LANCL1: variants seen among roughly 807,000 people sequenced by gnomAD.
LANCL1 encodes the protein glutathione S-transferase LANCL1.
Under a neutral mutation model 50.6 loss-of-function variants are expected in LANCL1, and 50 were observed. The observed-to-expected ratio is 0.99, with a 90% CI of 0.79 to 1.25. The LOEUF is 1.25. LANCL1 is among the 50% of genes most tolerant of loss of function. The pLI is 0.00. For synonymous variants in LANCL1, 188 were observed against 178.6 expected (o/e 1.05, Z -0.42); for missense variants, 532 against 480.7 (o/e 1.11, Z -1.00).
At chr2:210,458,289 G>A (rs183795854) in intron 3 of LANCL1, among the ~76,000 whole-genome samples, 13 of 152,278 alleles carry the variant, frequency 8.5e-5, no homozygotes, top group Admixed American at 3.9e-4. Context: ...TGTCCTGGTA[G>A]GCCTAATCCT....
At chr2:210,472,322 G>A (rs1694250208) in intron 2 of LANCL1, among the ~76,000 whole-genome samples, 3 of 152,170 alleles carry the variant, frequency 2.0e-5, no homozygotes, top group Middle Eastern at 3.2e-3. Flanking sequence ...GACTGCCAAT[G>A]ATAAACTGGC....
intron 3 of LANCL1, among the ~76,000 whole-genome samples, chr2:210,469,813 T>G (rs1478022936): frequency 6.6e-6 from 1 of 152,230 alleles, no homozygotes; most frequent in Non-Finnish European, 1.5e-5. Context: ...CTAATGACTC[T>G]TCCCAACATT....
chr2:210,470,737 A>G (rs1694200462), intron 3 of LANCL1, among the ~76,000 whole-genome samples: 1 of 152,202 alleles, frequency 6.6e-6, no homozygotes, highest in Non-Finnish European at 1.5e-5. Context: ...GAAAGCTTTC[A>G]AACTGCAGTC....
chr2:210,463,724 T>G (rs1293893765), intron 3 of LANCL1, among the ~76,000 whole-genome samples: 1 of 152,240 alleles, frequency 6.6e-6, no homozygotes, highest in East Asian at 1.9e-4. Flanking sequence ...TGAATGAGCA[T>G]GAGAGAGACC....
intron 3 of LANCL1, among the ~76,000 whole-genome samples, chr2:210,464,635 T>C (rs546228336): frequency 1.0e-3 from 154 of 152,296 alleles, no homozygotes; most frequent in African/African-American, 3.6e-3. Flanking sequence ...GGATAAAATA[T>C]ACACAAATCT....
intron 3 of LANCL1, among the ~76,000 whole-genome samples, chr2:210,459,751 A>G (rs1381846618): frequency 1.3e-5 from 2 of 151,970 alleles, no homozygotes; most frequent in South Asian, 4.1e-4. Flanking sequence ...CAAACAAACA[A>G]ACAAACAAAC....
chr2:210,475,057 T>C (rs1379834766), intron 2 of LANCL1, among the ~76,000 whole-genome samples: 2 of 152,200 alleles, frequency 1.3e-5, no homozygotes, highest in African/African-American at 2.4e-5. Flanking sequence ...TCAAACTCCA[T>C]ATACATTTTG....
In LANCL1 at chr2:210,436,391, A is replaced by T. The variant is rs6723823; in HGVS notation, c.875T>A (p.Val292Glu). Reference protein sequence around the residue: ...VIYMLIQAYKVFREEKYLCDA... With the variant: ...VIYMLIQAYKEFREEKYLCDA... ...ACAGAGATACTTTTCCTCTCTGAAT[A>T]CCTGCAGAGGCAAAGGACACATTTT... The change falls in exon 8 of 10, where the codon GTA becomes GAA. Residue 292 changes from valine to glutamate, a missense_variant and splice_region_variant. Physicochemically the swap from Val to Glu is moderately radical, Grantham distance 121. Transcript: ENST00000450366. 1.9e-6 allele frequency: 3 copies of T among 1,613,276 alleles called. No homozygotes were observed. Among genetic ancestry groups the T allele is most frequent in the South Asian group, 1.1e-5 (1 of 91,046 alleles).
At chr2:210,450,687 C>T (rs2105903307) in intron 4 of LANCL1, among the ~76,000 whole-genome samples, 1 of 152,262 alleles carries the variant, frequency 6.6e-6, no homozygotes, top group South Asian at 2.1e-4. Context: ...ACAGATACTT[C>T]TCAAAAGAAG....
intron 3 of LANCL1, chr2:210,460,369 C>G (rs1693815009): frequency 1.3e-5 from 2 of 152,310 alleles, no homozygotes; most frequent in South Asian, 4.1e-4. Context: ...GAGACAGGAA[C>G]TTCCCAAAGG....
At chr2:210,449,963 G>T (rs981798041) in intron 4 of LANCL1, among the ~76,000 whole-genome samples, 9 of 152,124 alleles carry the variant, frequency 5.9e-5, no homozygotes, top group African/African-American at 2.2e-4. Flanking sequence ...AGCTACCACT[G>T]ACTTTCTTCA....
At chr2:210,458,410 C>T (rs184154400) in intron 3 of LANCL1, among the ~76,000 whole-genome samples, 3 of 152,146 alleles carry the variant, frequency 2.0e-5, no homozygotes, top group Admixed American at 1.3e-4. Context: ...CCATTTTAAG[C>T]GTGGGAAGAA....
At chr2:210,463,027 A>C (rs1693915905) in intron 3 of LANCL1, among the ~76,000 whole-genome samples, 1 of 152,186 alleles carries the variant, frequency 6.6e-6, no homozygotes, top group Non-Finnish European at 1.5e-5. Flanking sequence ...GGCTGAGAGT[A>C]AACACACATA....
In LANCL1 at chr2:210,461,579, C is replaced by A. The variant is rs373796645; in HGVS notation, c.200-6265G>T. Among the ~76,000 whole-genome samples the A allele has an allele frequency of 1.1e-4, 16 of 152,230 alleles. No individual in the cohort carries two copies. The East Asian group carries it at 2.5e-3, about 24-fold the overall frequency. ...ACTATAATGACTTGCATTTAGAGTG[C>A]AAGTTAATATTACTCTAGGGATTAT... On this transcript the variant is annotated intron_variant, in intron 3 of 9. Transcript: ENST00000450366.
chr2:210,445,115 C>A (rs1323656681), intron 4 of LANCL1, among the ~76,000 whole-genome samples: 1 of 151,600 alleles, frequency 6.6e-6, no homozygotes, highest in Non-Finnish European at 1.5e-5. Flanking sequence ...ATATAAAGTA[C>A]TTTTGACTTA....
intron 4 of LANCL1, among the ~76,000 whole-genome samples, chr2:210,447,760 G>C (rs1693387138): frequency 6.6e-6 from 1 of 152,082 alleles, no homozygotes; most frequent in Non-Finnish European, 1.5e-5. Flanking sequence ...AGACAAAGAA[G>C]GCCATTACAT....
At chr2:210,438,672 A>T (rs1222432476) in intron 6 of LANCL1, among the ~76,000 whole-genome samples, 1 of 152,172 alleles carries the variant, frequency 6.6e-6, no homozygotes, top group African/African-American at 2.4e-5. Flanking sequence ...AAGTTAAGAG[A>T]CCTGGAATCT....
chr2:210,474,588 C>T (rs1437090962), intron 2 of LANCL1, among the ~76,000 whole-genome samples: 3 of 151,068 alleles, frequency 2.0e-5, no homozygotes, highest in South Asian at 2.1e-4. Flanking sequence ...TAGCCAGGTG[C>T]GGTGGTGTGC....
intron 3 of LANCL1, among the ~76,000 whole-genome samples, chr2:210,466,467 A>G (rs573818472): frequency 1.1e-4 from 17 of 152,314 alleles, no homozygotes; most frequent in African/African-American, 3.8e-4. Flanking sequence ...TAGTATAAGA[A>G]CAAAGGAACC....
Sources: gnomAD v4.1 joint callset for allele counts (sites outside exome capture counted in the v4.1 genomes callset) on GRCh38, gnomAD v4.1.1 for gene constraint, MANE v1.5 for transcripts, NCBI Gene and HGNC (gene_info 2026-07-23, HGNC 2026-07-21) for gene names.